Variants in VPS41 observed in about 807,000 individuals in gnomAD.
The protein encoded by VPS41 is vacuolar protein sorting-associated protein 41 homolog.
In VPS41, 85 loss-of-function variants were observed where a neutral mutation model predicts 130.9. That is an observed-to-expected ratio of 0.65 (90% CI 0.55 to 0.78). The LOEUF is 0.78. Among genes scored for constraint, VPS41 ranks in the 30% least tolerant of loss-of-function variants. The pLI, the probability that VPS41 is intolerant of heterozygous loss-of-function variation, is 0.00. For synonymous variants in VPS41, 335 were observed against 332.9 expected, an observed-to-expected ratio of 1.01 and a Z score of -0.07; for missense variants, 874 against 1,018.7, an observed-to-expected ratio of 0.86 and a Z score of 1.93.
At chr7:38,826,079 C>G (rs1785269274) in intron 5 of VPS41, among the ~76,000 whole-genome samples, 1 of 152,198 alleles carries the variant, frequency 6.6e-6, no homozygotes, top group South Asian at 2.1e-4. Context: ...GTCAAGATTG[C>G]TGGTTTTCAT....
At chr7:38,791,997 C>A (rs1562588116) in intron 9 of VPS41, among the ~76,000 whole-genome samples, 1 of 152,106 alleles carries the variant, frequency 6.6e-6, no homozygotes, top group Non-Finnish European at 1.5e-5. Flanking sequence ...GAGATGAGGA[C>A]ACTGAGGCTC....
Position 38,796,758 on chromosome 7 carries a change from C to G in VPS41, c.557G>C (p.Trp186Ser). 1 of 1,613,812 alleles carries G rather than the reference C, an allele frequency of 6.2e-7. No individual in the cohort carries two copies. The change falls in exon 8 of 29, where the codon TGG (tryptophan) becomes TCG (serine). Residue 186 changes from tryptophan to serine, a missense_variant. Physicochemically the swap from Trp to Ser is radical, Grantham distance 177. Transcript: ENST00000310301. ...CATATTTTTTACCATATTATTGGCCCAAGCAATCAGATGGCCTCTCCACTT... is the reference window on the plus strand; with the variant it reads ...CATATTTTTTACCATATTATTGGCCGAAGCAATCAGATGGCCTCTCCACTT... ...SVKWRGHLIA[W>S]ANNMGVKIFD...
chr7:38,772,764 T>C (rs983906663), intron 12 of VPS41, 127 bp from the exon 13 acceptor site: 2 of 570,992 alleles, frequency 3.5e-6, no homozygotes, highest in Admixed American at 6.3e-5. Flanking sequence ...CTTTGTTGTG[T>C]GTTTGGCTCT....
intron 25 of VPS41, among the ~76,000 whole-genome samples, chr7:38,736,883 C>G (rs899966751): frequency 1.3e-5 from 2 of 152,170 alleles, no homozygotes; most frequent in Non-Finnish European, 2.9e-5. Context: ...AGTGGCAAAT[C>G]TCATCTACAA....
chr7:38,799,109 G>A (rs1784677749), intron 7 of VPS41, among the ~76,000 whole-genome samples: 2 of 152,152 alleles, frequency 1.3e-5, no homozygotes, highest in East Asian at 1.9e-4. Flanking sequence ...CAGGTAGGAA[G>A]GAAAGCAGGC....
At chr7:38,830,432 T>C in intron 4 of VPS41, 104 bp from the exon 5 acceptor site, 3 of 792,042 alleles carry the variant, frequency 3.8e-6, no homozygotes, top group Admixed American at 1.8e-5. Context: ...GTTTTCTTCT[T>C]AAATAATGAC....
intron 4 of VPS41, among the ~76,000 whole-genome samples, chr7:38,855,420 T>A (rs1785961806): frequency 6.6e-6 from 1 of 152,102 alleles, no homozygotes; most frequent in African/African-American, 2.4e-5. Flanking sequence ...GGAGCTGATT[T>A]ATATTAGAAA....
At chr7:38,874,969 AT>A (rs1786456205) in intron 2 of VPS41, among the ~76,000 whole-genome samples, 1 of 152,204 alleles carries the variant, frequency 6.6e-6, no homozygotes, top group Non-Finnish European at 1.5e-5. Context: ...AAATAATTCA[AT>A]TTGTAGAAGC....
At chr7:38,797,604 G>A (rs1784645948) in intron 7 of VPS41, among the ~76,000 whole-genome samples, 1 of 152,150 alleles carries the variant, frequency 6.6e-6, no homozygotes, top group South Asian at 2.1e-4. Context: ...CATTTATACA[G>A]TATGTAACTT....
intron 10 of VPS41, among the ~76,000 whole-genome samples, chr7:38,782,548 A>C (rs998571273): frequency 2.6e-5 from 4 of 152,180 alleles, no homozygotes; most frequent in Non-Finnish European, 5.9e-5. Context: ...AGTTTGAAAA[A>C]TTATGCTGCC....
intron 1 of VPS41, among the ~76,000 whole-genome samples, chr7:38,904,775 A>G (rs2392608): frequency 0.93 from 141,907 of 152,278 alleles, 66,271 homozygotes; most frequent in East Asian, 1. Flanking sequence ...CTAATAATCC[A>G]TAAGTGATCT....
chr7:38,752,071 A>G lies in VPS41; in HGVS notation c.1926+105T>C, dbSNP rs115725537. ...TTGAGAGCAACAGTCTTCCCCCTGG[A>G]AAGGGACAGATGAACAGAGATAGAA... On this transcript the variant is annotated intron_variant, in intron 22 of 28. Coordinates refer to ENST00000310301, the MANE Select transcript of VPS41 (RefSeq NM_014396.4). 3,438 of 1,490,404 alleles carry G rather than the reference A, an allele frequency of 2.3e-3. 85 individuals carry two copies. The African/African-American group carries it at 0.041, about 18-fold the overall frequency. 92.3% of individuals were successfully genotyped at this position (1,490,404 alleles called of 1,614,324 possible). A position where few individuals can be genotyped will look rare whatever the true frequency, so the allele number is the denominator to read the frequency against.
intron 7 of VPS41, among the ~76,000 whole-genome samples, chr7:38,807,973 T>C (rs901306766): frequency 6.6e-6 from 1 of 152,198 alleles, no homozygotes; most frequent in African/African-American, 2.4e-5. Flanking sequence ...AGAGAGATGG[T>C]AGTTTTAACA....
chr7:38,852,339 C>T (rs957689816), intron 4 of VPS41, among the ~76,000 whole-genome samples: 7 of 152,186 alleles, frequency 4.6e-5, no homozygotes, highest in Non-Finnish European at 8.8e-5. Context: ...GCTTATAAAA[C>T]CTGACCCAGT....
chr7:38,817,721 G>A (rs1785082428), intron 7 of VPS41, 96 bp downstream of exon 7: 1 of 1,020,412 alleles, frequency 9.8e-7, no homozygotes, highest in Admixed American at 1.7e-5. Flanking sequence ...TTCTCCTAAT[G>A]AATAGCCAGA....
chr7:38,804,972 C>T (rs988511620), intron 7 of VPS41, among the ~76,000 whole-genome samples: 3 of 152,188 alleles, frequency 2.0e-5, no homozygotes, highest in Admixed American at 2.0e-4. Context: ...ATACATTTTC[C>T]GGGCTGGGCC....
intron 7 of VPS41, among the ~76,000 whole-genome samples, chr7:38,815,410 C>A (rs762480692): frequency 6.6e-6 from 1 of 151,976 alleles, no homozygotes; most frequent in Non-Finnish European, 1.5e-5. Context: ...GGCAACAGAG[C>A]AAGACTCCGT....
intron 14 of VPS41, among the ~76,000 whole-genome samples, chr7:38,768,513 G>C (rs914803368): frequency 6.6e-6 from 1 of 152,206 alleles, no homozygotes; most frequent in East Asian, 1.9e-4. Context: ...CTAATGTACA[G>C]GACATGCCCA....
At chr7:38,900,800 C>T (rs7793250) in intron 1 of VPS41, among the ~76,000 whole-genome samples, 141,938 of 152,304 alleles carry the variant, frequency 0.93, 66,289 homozygotes, top group East Asian at 1. Flanking sequence ...CACAGACAGG[C>T]GATCTCAAAA....
Sources: gnomAD v4.1 joint callset for allele counts (sites outside exome capture counted in the v4.1 genomes callset) on GRCh38, gnomAD v4.1.1 for gene constraint, MANE v1.5 for transcripts, NCBI Gene and HGNC (gene_info 2026-07-23, HGNC 2026-07-21) for gene names.